The following MAST4 variants were observed in gnomAD, a reference collection of about 807,000 sequenced individuals.
MAST4 encodes microtubule associated serine/threonine kinase family member 4.
In MAST4, 89 loss-of-function variants were observed where a neutral mutation model predicts 162.7. The observed-to-expected ratio is 0.55, with a 90% CI of 0.46 to 0.65. The LOEUF (loss-of-function observed/expected upper bound fraction) is 0.65. MAST4 is among the 30% of genes least tolerant of loss of function. The probability of loss-of-function intolerance (pLI) is 0.00; values close to 1 mark genes in which losing one functional copy is unlikely to be tolerated. For synonymous variants in MAST4, 1,479 were observed against 1,361.1 expected, an observed-to-expected ratio of 1.09 and a Z score of -1.91; for missense variants, 3,153 against 3,374.0, an observed-to-expected ratio of 0.93 and a Z score of 1.62.
At chr5:67,084,131 A>G (rs1309525325) in intron 5 of MAST4, among the ~76,000 whole-genome samples, 4 of 152,246 alleles carry the variant, frequency 2.6e-5, no homozygotes, top group African/African-American at 9.6e-5. Context: ...TGCAAGTCTT[A>G]TGACAAGAAA....
intron 3 of MAST4, among the ~76,000 whole-genome samples, chr5:66,812,399 T>C (rs1218645767): frequency 6.6e-6 from 1 of 152,094 alleles, no homozygotes; most frequent in East Asian, 1.9e-4. Flanking sequence ...CCTTGAAACA[T>C]GGCCCAGGAA....
chr5:66,620,047 CT>C (rs200969306), intron 1 of MAST4, among the ~76,000 whole-genome samples: 208 of 133,844 alleles, frequency 1.6e-3, no homozygotes, highest in South Asian at 3.7e-3. Context: ...ACTTAGGTTG[CT>C]TTTTTTTTTT....
intron 3 of MAST4, among the ~76,000 whole-genome samples, chr5:66,855,591 G>A (rs1759621767): frequency 6.6e-6 from 1 of 152,176 alleles, no homozygotes; most frequent in Non-Finnish European, 1.5e-5. Flanking sequence ...AGGGAGGAGA[G>A]ATAAGGAAGC....
chr5:67,071,992 A>T (rs903083512), intron 5 of MAST4, among the ~76,000 whole-genome samples: 2 of 152,216 alleles, frequency 1.3e-5, no homozygotes, highest in East Asian at 3.8e-4. Context: ...ACTTACTTTG[A>T]GGCATGGGGG....
rs1008333736 is a variant in MAST4 at position 66,722,366 on chromosome 5, T to G, written c.364-37343T>G. 4.6e-5 allele frequency among the ~76,000 whole-genome samples: 7 copies of G among 152,194 alleles called. No homozygotes were observed. In the East Asian group the frequency reaches 9.7e-4, roughly 21 times the overall value. On this transcript the variant is annotated intron_variant, in intron 1 of 28. Coordinates refer to ENST00000403625, the MANE Select transcript of MAST4 (RefSeq NM_001164664.2). Reference sequence around the variant, plus strand: ...TAATTCCCTTAACTCCTTTAAGTCTTCACCGAAAGTTATCTTCTCCATGCG... The same window carrying G: ...TAATTCCCTTAACTCCTTTAAGTCTGCACCGAAAGTTATCTTCTCCATGCG...
At chr5:66,807,897 G>C (rs1756279605) in intron 3 of MAST4, among the ~76,000 whole-genome samples, 1 of 152,144 alleles carries the variant, frequency 6.6e-6, no homozygotes, top group Non-Finnish European at 1.5e-5. Context: ...GATATTCCTG[G>C]ATATCTCTAG....
At chr5:66,691,134 T>C (rs1749013059) in intron 1 of MAST4, among the ~76,000 whole-genome samples, 1 of 152,220 alleles carries the variant, frequency 6.6e-6, no homozygotes, top group South Asian at 2.1e-4. Context: ...CTGGAATTGC[T>C]GTTCTTGTCA....
At chr5:66,652,721 G>C (rs928392803) in intron 1 of MAST4, among the ~76,000 whole-genome samples, 2 of 152,070 alleles carry the variant, frequency 1.3e-5, no homozygotes, top group Non-Finnish European at 2.9e-5. Flanking sequence ...CCTAAATGTT[G>C]TATGTCTGTT....
intron 4 of MAST4, among the ~76,000 whole-genome samples, chr5:66,910,197 G>T (rs1763651356): frequency 6.6e-6 from 1 of 152,160 alleles, no homozygotes; most frequent in South Asian, 2.1e-4. Context: ...GGAAAGCAAA[G>T]CCTCAAACTT....
chr5:66,898,917 C>T (rs185099881), intron 3 of MAST4, among the ~76,000 whole-genome samples: 26 of 152,286 alleles, frequency 1.7e-4, no homozygotes, highest in African/African-American at 6.3e-4. Context: ...GCTGAGCCTG[C>T]TGTCCATGAC....
chr5:66,834,519 G>T (rs75133495), intron 3 of MAST4, among the ~76,000 whole-genome samples: 1 of 152,204 alleles, frequency 6.6e-6, no homozygotes, highest in Admixed American at 6.5e-5. Flanking sequence ...CCAGCATGGG[G>T]TGGAGAGTAG....
chr5:66,710,552 T>G (rs907345909), intron 1 of MAST4, among the ~76,000 whole-genome samples: 14 of 152,186 alleles, frequency 9.2e-5, no homozygotes, highest in Admixed American at 2.0e-4. Context: ...AAATTCTTAT[T>G]CTACTTTTGT....
intron 3 of MAST4, among the ~76,000 whole-genome samples, chr5:66,812,829 C>T (rs903243162): frequency 2.0e-5 from 3 of 152,268 alleles, no homozygotes; most frequent in South Asian, 4.1e-4. Flanking sequence ...TGCTCCCTTC[C>T]GTTCACATCT....
intron 5 of MAST4, among the ~76,000 whole-genome samples, chr5:67,085,678 C>G (rs1032048525): frequency 1.3e-5 from 2 of 152,180 alleles, no homozygotes; most frequent in African/African-American, 4.8e-5. Flanking sequence ...ACAACTTACC[C>G]AGAGAATTCC....
intron 2 of MAST4, among the ~76,000 whole-genome samples, chr5:66,787,920 T>A (rs994676971): frequency 2.0e-5 from 3 of 152,200 alleles, no homozygotes; most frequent in African/African-American, 7.2e-5. Context: ...TTCATGTCCA[T>A]CCTAATTTTC....
intron 3 of MAST4, among the ~76,000 whole-genome samples, chr5:66,898,748 T>C (rs1762835828): frequency 6.6e-6 from 1 of 152,226 alleles, no homozygotes; most frequent in Non-Finnish European, 1.5e-5. Context: ...ACAGTTATGA[T>C]TGCTGTAACT....
chr5:66,722,164 A>T (rs370601528), intron 1 of MAST4, among the ~76,000 whole-genome samples: 10 of 152,140 alleles, frequency 6.6e-5, no homozygotes, highest in Admixed American at 2.0e-4. Flanking sequence ...AGTTTTGAGT[A>T]AAAACCAAAA....
At chr5:67,063,383 C>T (rs1759861726) in intron 5 of MAST4, among the ~76,000 whole-genome samples, 1 of 152,098 alleles carries the variant, frequency 6.6e-6, no homozygotes, top group Admixed American at 6.5e-5. Flanking sequence ...ATCCATCTGC[C>T]CTGTGCCCTT....
At chr5:66,878,615 A>G (rs1171582305) in intron 3 of MAST4, among the ~76,000 whole-genome samples, 1 of 152,224 alleles carries the variant, frequency 6.6e-6, no homozygotes, top group Non-Finnish European at 1.5e-5. Flanking sequence ...TGGGCAATGC[A>G]AGATTTCTCA....
Sources: allele counts gnomAD v4.1 joint callset (sites outside exome capture counted in the v4.1 genomes callset), GRCh38; gene constraint gnomAD v4.1.1; transcripts MANE v1.5; gene names NCBI Gene and HGNC (gene_info 2026-07-23, HGNC 2026-07-21).